The following SLC25A48 variants were observed in gnomAD, a reference collection of about 807,000 sequenced individuals.
SLC25A48 encodes CTC-321K16.1.
A neutral mutation model predicts 32.2 loss-of-function variants in SLC25A48; 29 were observed. That is an observed-to-expected ratio of 0.90 (90% CI 0.67 to 1.23). SLC25A48 has a LOEUF of 1.23. SLC25A48 is among the 50% of genes most tolerant of loss of function. The pLI is 0.00. For synonymous variants in SLC25A48, 164 were observed against 172.3 expected, an observed-to-expected ratio of 0.95 and a Z score of 0.38; for missense variants, 399 against 422.7, an observed-to-expected ratio of 0.94 and a Z score of 0.49.
rs148872898 is a variant in SLC25A48, at chr5:135,591,931, C to G, written c.-849+12334C>G. On this transcript the variant is annotated intron_variant, in intron 1 of 10. Transcript: ENST00000646290. ...TGAGCGGAGAACCTAAGCTAAGCAG[C>G]TTCTTGGCTGAACCTGCCCCCAACT... 3.0e-4 allele frequency among the ~76,000 whole-genome samples: 46 copies of G among 152,316 alleles called. 1 individual carries two copies. The East Asian group carries it at 8.9e-3, about 29-fold the overall frequency.
At chr5:135,863,028 A>G (rs1244300722) in intron 4 of SLC25A48, among the ~76,000 whole-genome samples, 2 of 152,124 alleles carry the variant, frequency 1.3e-5, no homozygotes, top group Non-Finnish European at 2.9e-5. Flanking sequence ...GGGTAGATTG[A>G]TTTGAAGGCT....
intron 3 of SLC25A48, among the ~76,000 whole-genome samples, chr5:135,642,479 C>T (rs1752862753): frequency 6.6e-6 from 1 of 152,232 alleles, no homozygotes; most frequent in African/African-American, 2.4e-5. Flanking sequence ...GCTCTGCTGG[C>T]TCAAAGAGGT....
At chr5:135,828,481 C>T (rs1009299827) in intron 4 of SLC25A48, among the ~76,000 whole-genome samples, 1 of 152,216 alleles carries the variant, frequency 6.6e-6, no homozygotes, top group African/African-American at 2.4e-5. Flanking sequence ...TGAGCTCCTG[C>T]TGGGGGAGGC....
chr5:135,764,822 G>A (rs958423123), intron 3 of SLC25A48, among the ~76,000 whole-genome samples: 1 of 151,670 alleles, frequency 6.6e-6, no homozygotes, highest in African/African-American at 2.4e-5. Flanking sequence ...CACGGGGGGT[G>A]TGAGATGGTT....
At chr5:135,674,982 TAA>T (rs1302741485) in intron 3 of SLC25A48, among the ~76,000 whole-genome samples, 2 of 151,888 alleles carry the variant, frequency 1.3e-5, no homozygotes, top group African/African-American at 4.8e-5. Context: ...AAACAGTGTA[TAA>T]GAGTCCCTTT....
At chr5:135,587,863 AG>A (rs1243611543) in intron 1 of SLC25A48, among the ~76,000 whole-genome samples, 1 of 152,268 alleles carries the variant, frequency 6.6e-6, no homozygotes, top group Non-Finnish European at 1.5e-5. Context: ...GAGGGGCAGC[AG>A]GAACCATAAA....
intron 3 of SLC25A48, among the ~76,000 whole-genome samples, chr5:135,726,826 C>G (rs932010127): frequency 7.2e-5 from 11 of 152,168 alleles, no homozygotes; most frequent in Non-Finnish European, 1.5e-4. Context: ...AGAATAAATG[C>G]CCAGAAGTGC....
At chr5:135,588,470 G>A (rs13156456) in intron 1 of SLC25A48, among the ~76,000 whole-genome samples, 55,936 of 152,098 alleles carry the variant, frequency 0.37, 11,460 homozygotes, top group African/African-American at 0.56. Flanking sequence ...GCAGGGCTGC[G>A]GGGGCTGCGG....
chr5:135,872,144 A>T lies in SLC25A48; in HGVS notation c.679+426A>T, dbSNP rs113667571. ...AATGTTAAGTAGCCAATCCCAGGTC[A>T]TACAGCTGGAGCTGACAGTATAGCA... On this transcript the variant is annotated intron_variant, in intron 5 of 7. Transcript: ENST00000681962. The T allele has an allele frequency of 3.4e-4, 165 of 491,462 alleles. 1 individual carries two copies. Among genetic ancestry groups the T allele is most frequent in the African/African-American group, 2.5e-3 (121 of 47,626 alleles). The allele number at this position is 491,462 out of a possible 1,614,324, so 30.4% of individuals were successfully genotyped here.
At chr5:135,628,965 A>G (rs138778903) in intron 1 of SLC25A48, among the ~76,000 whole-genome samples, 1 of 152,366 alleles carries the variant, frequency 6.6e-6, no homozygotes, top group East Asian at 1.9e-4. Flanking sequence ...ACAAGGATAT[A>G]TGTCCACAGC....
intron 3 of SLC25A48, among the ~76,000 whole-genome samples, chr5:135,653,194 G>T (rs1204816533): frequency 1.3e-5 from 2 of 152,132 alleles, no homozygotes; most frequent in Admixed American, 6.5e-5. Flanking sequence ...CTCAGTTTCA[G>T]GTATCTTGTT....
At chr5:135,621,279 C>A (rs543411395) in intron 1 of SLC25A48, among the ~76,000 whole-genome samples, 1 of 152,220 alleles carries the variant, frequency 6.6e-6, no homozygotes, top group Admixed American at 6.5e-5. Flanking sequence ...GGGCCTAGAG[C>A]AGTACCTGCT....
intron 3 of SLC25A48, among the ~76,000 whole-genome samples, chr5:135,742,218 T>G (rs1217791256): frequency 1.3e-5 from 2 of 152,222 alleles, no homozygotes. Context: ...TAGCTGGGAT[T>G]ACAGGCCTGT....
intron 3 of SLC25A48, among the ~76,000 whole-genome samples, chr5:135,770,541 G>T (rs1166111788): frequency 2.6e-5 from 4 of 151,636 alleles, no homozygotes; most frequent in Non-Finnish European, 1.5e-5. Flanking sequence ...ATATCCAGGT[G>T]GGGAGAGAAT....
chr5:135,614,801 C>CTTAGTGTTGTAGGAGGG (rs1001775283), intron 1 of SLC25A48, among the ~76,000 whole-genome samples: 1 of 152,036 alleles, frequency 6.6e-6, no homozygotes, highest in Non-Finnish European at 1.5e-5. Flanking sequence ...AATTGTAATC[C>CTTAGTGTTGTAGGAGGG]TTAGTGTTGT....
rs538013017 is a variant in SLC25A48 at position 135,679,250 on chromosome 5, G to T, written c.-521+44294G>T. ...CCTACTATGGTGGTAGTGGCAGATT[G>T]GGTAGGCCTGACTGCAGGCCCCCAG... On this transcript the variant is annotated intron_variant, in intron 3 of 10. Coordinates refer to the SLC25A48 transcript ENST00000646290. Among the ~76,000 whole-genome samples the T allele has an allele frequency of 1.7e-3, 253 of 152,258 alleles. 1 individual carries two copies. Among genetic ancestry groups the T allele is most frequent in the African/African-American group, 5.5e-3 (229 of 41,560 alleles).
chr5:135,834,993 G>A (rs79647085), intron 1 of SLC25A48, 100 bp downstream of exon 1: 37,486 of 1,388,322 alleles, frequency 0.027, 568 homozygotes, highest in Non-Finnish European at 0.031. Flanking sequence ...CTGCCATCCC[G>A]CTCCCCGTTG....
intron 3 of SLC25A48, among the ~76,000 whole-genome samples, chr5:135,771,812 G>T (rs925129134): frequency 4.0e-5 from 6 of 151,096 alleles, no homozygotes; most frequent in Non-Finnish European, 8.9e-5. Flanking sequence ...TAATATTTAG[G>T]GGGGGGAGAA....
At chr5:135,581,056 G>T (rs1054169694) in intron 1 of SLC25A48, among the ~76,000 whole-genome samples, 2 of 152,170 alleles carry the variant, frequency 1.3e-5, no homozygotes, top group African/African-American at 4.8e-5. Context: ...ACTCTATTTG[G>T]TATTGGTTTC....
Sources: allele counts gnomAD v4.1 joint callset (sites outside exome capture counted in the v4.1 genomes callset), GRCh38; gene constraint gnomAD v4.1.1; transcripts MANE v1.5; gene names NCBI Gene and HGNC (gene_info 2026-07-23, HGNC 2026-07-21).